Variants in RPS6KC1 observed in about 807,000 individuals in gnomAD.
RPS6KC1 encodes the protein inactive ribosomal protein S6 kinase delta-1.
RPS6KC1 carries 54 observed loss-of-function variants against 103.8 expected under a neutral mutation model. The ratio of observed to expected loss-of-function variants is 0.52; its 90% CI spans 0.42 to 0.65. The LOEUF is 0.65. Ranked by LOEUF, RPS6KC1 falls within the 30% of genes least tolerant of loss-of-function variation. RPS6KC1 has a pLI of 0.00. For missense variants in RPS6KC1, 1,151 were observed against 1,253.8 expected (o/e 0.92, Z 1.24); for synonymous variants, 439 against 438.7 (o/e 1.00, Z -0.01).
At chr1:213,814,482 T>G in the RPS6KC1 span, among the ~76,000 whole-genome samples, 1 of 152,184 alleles carries the variant, frequency 6.6e-6, no homozygotes, top group South Asian at 2.1e-4. Flanking sequence ...CAGATATGCT[T>G]TCTTGGATCC....
At chr1:213,145,295 G>A (rs989436114) in intron 6 of RPS6KC1, among the ~76,000 whole-genome samples, 1 of 152,150 alleles carries the variant, frequency 6.6e-6, no homozygotes, top group African/African-American at 2.4e-5. Flanking sequence ...GAAGCCATTT[G>A]GATCCTGGCA....
At chr1:213,570,295 T>A in the RPS6KC1 span, among the ~76,000 whole-genome samples, 1 of 152,294 alleles carries the variant, frequency 6.6e-6, no homozygotes, top group Admixed American at 6.5e-5. Flanking sequence ...AGATTGTGTA[T>A]GTGAAATGCC....
At chr1:213,698,653 A>G in the RPS6KC1 span, among the ~76,000 whole-genome samples, 133 of 152,168 alleles carry the variant, frequency 8.7e-4, no homozygotes, top group Non-Finnish European at 1.6e-3. Context: ...CTGTATATAT[A>G]TATATATTCA....
chr1:213,215,636 G>A (rs1434437911), intron 8 of RPS6KC1, among the ~76,000 whole-genome samples: 12 of 152,128 alleles, frequency 7.9e-5, no homozygotes, highest in African/African-American at 2.2e-4. Flanking sequence ...GAGAAAGGTC[G>A]GGTTACCCAT....
At chr1:213,409,765 C>T in the RPS6KC1 span, among the ~76,000 whole-genome samples, 91 of 152,326 alleles carry the variant, frequency 6.0e-4, no homozygotes, top group East Asian at 0.014. Flanking sequence ...GTTCCAGGAA[C>T]TGTTGAAATA....
At chr1:213,378,467 A>G in the RPS6KC1 span, among the ~76,000 whole-genome samples, 1 of 152,178 alleles carries the variant, frequency 6.6e-6, no homozygotes, top group South Asian at 2.1e-4. Flanking sequence ...GCTAAATTGC[A>G]TTCGTGTTTT....
intron 7 of RPS6KC1, 22 bp downstream of exon 7, chr1:213,167,995 G>C (rs755401942): frequency 2.6e-6 from 4 of 1,514,262 alleles, no homozygotes; most frequent in Admixed American, 3.4e-5. Context: ...ATTTTGTTGT[G>C]TGTTTTCTTC....
chr1:213,185,817 G>A (rs1053041470), intron 8 of RPS6KC1, among the ~76,000 whole-genome samples: 1 of 150,388 alleles, frequency 6.6e-6, no homozygotes, highest in Non-Finnish European at 1.5e-5. Context: ...TTGTGGGTAA[G>A]TACTTTTCTC....
At chr1:213,380,277 G>C in the RPS6KC1 span, among the ~76,000 whole-genome samples, 1 of 152,096 alleles carries the variant, frequency 6.6e-6, no homozygotes, top group Non-Finnish European at 1.5e-5. Context: ...TAAATGATGC[G>C]AACACATGGA....
At chr1:213,775,187 G>T in the RPS6KC1 span, among the ~76,000 whole-genome samples, 1 of 152,100 alleles carries the variant, frequency 6.6e-6, no homozygotes, top group Non-Finnish European at 1.5e-5. Context: ...ATAAAAAATT[G>T]ATATGTAGGC....
intron 6 of RPS6KC1, among the ~76,000 whole-genome samples, chr1:213,165,000 AT>A: frequency 6.6e-6 from 1 of 152,286 alleles, no homozygotes; most frequent in East Asian, 1.9e-4. Context: ...TTAATTAAAC[AT>A]TTTTTGGTCA....
intron 14 of RPS6KC1, among the ~76,000 whole-genome samples, chr1:213,267,016 C>A (rs1157647986): frequency 4.0e-5 from 6 of 151,856 alleles, no homozygotes; most frequent in African/African-American, 1.4e-4. Context: ...CCCCTTCCTG[C>A]TTGGTCAGGT....
intron 12 of RPS6KC1, among the ~76,000 whole-genome samples, chr1:213,259,667 T>G (rs922720940): frequency 2.0e-5 from 3 of 152,162 alleles, no homozygotes; most frequent in Non-Finnish European, 4.4e-5. Context: ...ATTGTATTGT[T>G]TTATAGCTTT....
chr1:213,239,895 A>T (rs1020592249), intron 10 of RPS6KC1, among the ~76,000 whole-genome samples: 1 of 152,126 alleles, frequency 6.6e-6, no homozygotes, highest in Admixed American at 6.5e-5. Flanking sequence ...TGACAAAGGG[A>T]TTGAGGTGTT....
At chr1:213,538,460 CTG>C in the RPS6KC1 span, among the ~76,000 whole-genome samples, 1 of 152,244 alleles carries the variant, frequency 6.6e-6, no homozygotes, top group South Asian at 2.1e-4. Context: ...GGAGCAGTGA[CTG>C]TGGCTGTGGG....
chr1:213,054,206 A>G (rs1455080925), intron 1 of RPS6KC1, among the ~76,000 whole-genome samples: 2 of 152,212 alleles, frequency 1.3e-5, no homozygotes, highest in Non-Finnish European at 2.9e-5. Flanking sequence ...AAACTAGAAG[A>G]TAAAGTAGCA....
the RPS6KC1 span, among the ~76,000 whole-genome samples, chr1:213,287,763 G>C: frequency 6.6e-6 from 1 of 152,154 alleles, no homozygotes; most frequent in African/African-American, 2.4e-5. Context: ...TATTAAAAAT[G>C]TTTAAGAGGG....
the RPS6KC1 span, among the ~76,000 whole-genome samples, chr1:213,742,886 A>G: frequency 6.6e-6 from 1 of 152,242 alleles, no homozygotes; most frequent in Admixed American, 6.5e-5. Context: ...AAAACAACAG[A>G]TGCTGGGGAG....
At chr1:213,435,472 A>G in the RPS6KC1 span, among the ~76,000 whole-genome samples, 1 of 152,194 alleles carries the variant, frequency 6.6e-6, no homozygotes, top group Non-Finnish European at 1.5e-5. Context: ...TCCTGTAAGT[A>G]TTCTTAGACT....
Sources: allele counts gnomAD v4.1 joint callset (sites outside exome capture counted in the v4.1 genomes callset), GRCh38; gene constraint gnomAD v4.1.1; transcripts MANE v1.5; gene names NCBI Gene and HGNC (gene_info 2026-07-23, HGNC 2026-07-21).